SRP68: variants seen among roughly 807,000 people sequenced by gnomAD.
SRP68 encodes the protein signal recognition particle subunit SRP68.
A neutral mutation model predicts 82.2 loss-of-function variants in SRP68; 15 were observed. That is an observed-to-expected ratio of 0.18 (90% CI 0.12 to 0.28). The LOEUF is 0.28. Among genes scored for constraint, SRP68 ranks in the 10% least tolerant of loss-of-function variants. SRP68 has a pLI of 1.00. For synonymous variants in SRP68, 261 were observed against 292.6 expected, an observed-to-expected ratio of 0.89 and a Z score of 1.10; for missense variants, 595 against 780.5, an observed-to-expected ratio of 0.76 and a Z score of 2.83.
chr17:76,058,284 G>A (rs1423754008), intron 7 of SRP68, among the ~76,000 whole-genome samples: 2 of 151,850 alleles, frequency 1.3e-5, no homozygotes. Context: ...ACCACATCCA[G>A]CTAATTTTGT....
chr17:76,068,708 T>G (rs1041819403), intron 2 of SRP68, among the ~76,000 whole-genome samples: 7 of 152,208 alleles, frequency 4.6e-5, no homozygotes, highest in Non-Finnish European at 8.8e-5. Flanking sequence ...TTACAGTGTG[T>G]GACATTATAA....
chr17:76,040,279 C>T (rs970156812), intron 15 of SRP68, 140 bp downstream of exon 15: 30 of 820,872 alleles, frequency 3.7e-5, no homozygotes, highest in Non-Finnish European at 3.6e-5. Context: ...ATGCAAGAAG[C>T]TTTGAGGTTG....
chr17:76,066,558 A>T (rs903017164), intron 3 of SRP68, among the ~76,000 whole-genome samples: 3 of 151,762 alleles, frequency 2.0e-5, no homozygotes, highest in Non-Finnish European at 4.4e-5. Context: ...CTTACCTAAT[A>T]ATCAATTAGA....
chr17:76,070,313 A>C (rs1351470144), intron 2 of SRP68, 65 bp downstream of exon 2: 1 of 1,284,354 alleles, frequency 7.8e-7, no homozygotes, highest in African/African-American at 1.5e-5. Flanking sequence ...CAGAGTAAAC[A>C]GGATATTAAC....
intron 11 of SRP68, among the ~76,000 whole-genome samples, 195 bp from the exon 12 acceptor site, chr17:76,045,581 A>G (rs751990969): frequency 2.0e-5 from 3 of 152,102 alleles, no homozygotes; most frequent in Non-Finnish European, 2.9e-5. Context: ...TCTTGGAAAC[A>G]TATTTGCCCT....
chr17:76,055,698 G>A (rs1410019690), intron 8 of SRP68, among the ~76,000 whole-genome samples: 1 of 150,910 alleles, frequency 6.6e-6, no homozygotes, highest in East Asian at 1.9e-4. Context: ...AGCTTGCAGT[G>A]AGCAGAGATT....
chr17:76,057,366 C>A, intron 8 of SRP68, 37 bp downstream of exon 8: 1 of 1,612,882 alleles, frequency 6.2e-7, no homozygotes, highest in Non-Finnish European at 8.5e-7. Context: ...CCTTCAGACA[C>A]ATACAGAAGA....
rs777566753 is a variant in SRP68, at chr17:76,050,516, T to G, written c.989A>C (p.Glu330Ala). 2.5e-6 allele frequency: 4 copies of G among 1,613,334 alleles called. No individual in the cohort carries two copies. Among genetic ancestry groups the G allele is most frequent in the Non-Finnish European group, 2.5e-6 (3 of 1,179,598 alleles). Residue 330 changes from glutamate to alanine, a missense_variant, in exon 9 of 16, where the codon GAA becomes GCA. Glu to Ala is a moderately radical substitution (Grantham distance 107, BLOSUM62 -1). Coordinates refer to ENST00000307877, the MANE Select transcript of SRP68 (RefSeq NM_014230.4). ...NEAAIVQAES[E>A]ETKERLFESM... Reference sequence around the variant, plus strand: ...TTCAAACAGGCGCTCCTTAGTTTCTTCGCTTTCAGCCTAAACAAGGGCAGA... The same window carrying G: ...TTCAAACAGGCGCTCCTTAGTTTCTGCGCTTTCAGCCTAAACAAGGGCAGA...
At position 76,039,939 on chromosome 17, in the gene SRP68, A is replaced by G. The variant is rs981450472; in HGVS notation, c.1657-6T>C. The G allele has an allele frequency of 2.2e-5, 36 of 1,613,838 alleles. No individual in the cohort carries two copies. The highest frequency in any genetic ancestry group is 3.1e-5 in the Non-Finnish European group (36 of 1,179,912). On this transcript the variant is annotated splice_polypyrimidine_tract_variant and splice_region_variant and intron_variant, in intron 15 of 15. Transcript: ENST00000307877. The stretch of plus-strand genomic sequence containing the variant: ...TCAAACCGTTCAACCAGAGGCTGGA[A>G]GTCAAATCAAAGAGACGTATGTAGC...
At chr17:76,066,184 C>T (rs1004084315) in intron 3 of SRP68, among the ~76,000 whole-genome samples, 2 of 152,062 alleles carry the variant, frequency 1.3e-5, no homozygotes, top group African/African-American at 4.8e-5. Context: ...GGCGCAGTAG[C>T]TCACGTCTGT....
At chr17:76,041,096 G>A (rs906097832) in intron 13 of SRP68, 118 bp from the exon 14 acceptor site, 5 of 684,316 alleles carry the variant, frequency 7.3e-6, no homozygotes, top group East Asian at 5.6e-5. Context: ...CTTTCTAAAC[G>A]GTTCTCACTA....
At chr17:76,068,684 T>C (rs2066826012) in intron 2 of SRP68, among the ~76,000 whole-genome samples, 8 of 152,236 alleles carry the variant, frequency 5.3e-5, no homozygotes, top group Admixed American at 5.2e-4. Context: ...TGTAGCTCTT[T>C]ATTCTTCCTT....
chr17:76,045,272 C>A lies in SRP68; in HGVS notation c.1394+20G>T. The A allele has an allele frequency of 6.3e-7, 1 of 1,599,256 alleles. No individual in the cohort carries two copies. Among genetic ancestry groups the A allele is most frequent in the Non-Finnish European group, 8.6e-7 (1 of 1,167,832 alleles). ...GAACCTGGGAGGCGGAGGAAAACTG[C>A]CCATCCCATGGGACGTTACCTGTAA... is the stretch of plus-strand genomic sequence containing the variant. On this transcript the variant is annotated intron_variant, in intron 12 of 15. Transcript: ENST00000307877.
At chr17:76,053,397 G>A (rs2066689958) in intron 8 of SRP68, 9 of 927,902 alleles carry the variant, frequency 9.7e-6, no homozygotes, top group Non-Finnish European at 1.0e-5. Flanking sequence ...GACAAGTGGG[G>A]TTAAGTGGTT....
In SRP68 at chr17:76,039,889, A is replaced by G; in HGVS notation, c.1701T>C (p.Leu567=). Residue 567 remains leucine (L), a synonymous_variant, in exon 16 of 16, where the codon CTT becomes CTC. Transcript: ENST00000307877. ...GCACAAGGTTGGCTTGCTTGGTGAC[A>G]AGGGAAGGGTCCAGGCAGAATGTCT... is the stretch of plus-strand genomic sequence containing the variant. The part of the protein sequence containing the change: ...RFETFCLDPS[L]VTKQANLVHF... The G allele has an allele frequency of 1.2e-6, 2 of 1,614,238 alleles. No individual in the cohort carries two copies. Among genetic ancestry groups the G allele is most frequent in the South Asian group, 2.2e-5 (2 of 91,088 alleles).
At chr17:76,061,295 CA>C in intron 5 of SRP68, 76 bp from the exon 6 acceptor site, 1 of 1,091,584 alleles carries the variant, frequency 9.2e-7, no homozygotes, top group Non-Finnish European at 1.4e-6. Flanking sequence ...TGACTAAAAA[CA>C]AATTATGGCC....
Position 76,046,181 on chromosome 17 carries a change from T to C in SRP68, c.1156A>G (p.Ile386Val), listed in dbSNP as rs2066629131. ...CGCTTGATTGCCGTTGATAGCTTGA[T>C]GTAAGTCAGGTAGCTGGAATGCACC... ...LQYLHSYLTYIKLSTAIKRNE... is the reference protein window; with the variant it reads ...LQYLHSYLTYVKLSTAIKRNE... The change falls in exon 11 of 16, where the codon ATC becomes GTC. Residue 386 changes from isoleucine to valine, a missense_variant. Physicochemically the swap from Ile to Val is conservative, Grantham distance 29 (BLOSUM62 3). Coordinates refer to ENST00000307877, the MANE Select transcript of SRP68 (RefSeq NM_014230.4). The C allele has an allele frequency of 6.2e-7, 1 of 1,613,748 alleles. No individual in the cohort carries two copies. The highest frequency in any genetic ancestry group is 2.2e-5 in the East Asian group (1 of 44,852).
intron 2 of SRP68, among the ~76,000 whole-genome samples, chr17:76,070,079 AAAACAAAC>A (rs1208330539): frequency 6.6e-6 from 1 of 151,740 alleles, no homozygotes; most frequent in African/African-American, 2.4e-5. Flanking sequence ...TCCATCTCAA[AAAACAAAC>A]AAACAAACAA....
intron 8 of SRP68, chr17:76,053,453 T>A (rs2066690354): frequency 1.0e-6 from 1 of 985,292 alleles, no homozygotes; most frequent in African/African-American, 1.7e-5. Context: ...TCTTACCAGC[T>A]ACACAGGATT....
Sources: gnomAD v4.1 joint callset for allele counts (sites outside exome capture counted in the v4.1 genomes callset) on GRCh38, gnomAD v4.1.1 for gene constraint, MANE v1.5 for transcripts, NCBI Gene and HGNC (gene_info 2026-07-23, HGNC 2026-07-21) for gene names.